The following DNM3 variants were observed in gnomAD, a reference collection of about 807,000 sequenced individuals.
DNM3 encodes dynamin 3, also known as dynamin-3.
In DNM3, 47 loss-of-function variants were observed where a neutral mutation model predicts 101.6. That is an observed-to-expected ratio of 0.46 (90% confidence interval 0.37 to 0.59). The LOEUF (loss-of-function observed/expected upper bound fraction) is 0.59. DNM3 is among the 20% of genes least tolerant of loss of function. The pLI is 0.00. For synonymous variants in DNM3, 385 were observed against 387.9 expected (o/e 0.99, Z 0.09); for missense variants, 849 against 1,085.7 (o/e 0.78, Z 3.06).
At chr1:171,987,916 C>T (rs2045376852) in intron 3 of DNM3, 111 bp downstream of exon 3, 4 of 1,028,226 alleles carry the variant, frequency 3.9e-6, no homozygotes, top group Non-Finnish European at 5.2e-6. Context: ...TCTAGGGTAT[C>T]CTTTGGATAC....
At chr1:172,077,256 C>A (rs908998696) in intron 11 of DNM3, among the ~76,000 whole-genome samples, 63 of 151,188 alleles carry the variant, frequency 4.2e-4, no homozygotes, top group Admixed American at 7.2e-4. Context: ...TTAATCTTTT[C>A]AAAAAAAACA....
chr1:172,062,809 C>T (rs1455153970), intron 10 of DNM3, among the ~76,000 whole-genome samples: 4 of 152,198 alleles, frequency 2.6e-5, no homozygotes, highest in Non-Finnish European at 4.4e-5. Context: ...TTCTTATCTT[C>T]AATCACCTTT....
intron 2 of DNM3, among the ~76,000 whole-genome samples, chr1:171,955,031 T>A (rs561497437): frequency 6.6e-6 from 1 of 152,220 alleles, no homozygotes; most frequent in Non-Finnish European, 1.5e-5. Context: ...TGGCTCAGCA[T>A]GTTAAAATAA....
At chr1:172,146,814 C>T (rs1377596696) in intron 14 of DNM3, among the ~76,000 whole-genome samples, 5 of 152,070 alleles carry the variant, frequency 3.3e-5, no homozygotes, top group Non-Finnish European at 5.9e-5. Context: ...TAAGACATGC[C>T]TTGGAAATTT....
In DNM3 at chr1:172,290,090, G is replaced by T. The variant is rs2063845398; in HGVS notation, c.1770-18638G>T. The stretch of plus-strand genomic sequence containing the variant: ...AACTTTGAATGCTGAGAAAATACTG[G>T]TGAGACTAGTCAGTCAACAAATATT... On this transcript the variant is annotated intron_variant, in intron 15 of 20. Transcript: ENST00000627582. The T allele has an allele frequency of 3.9e-6, 3 of 759,944 alleles. No homozygotes were observed. The South Asian group carries it at 1.8e-4, about 46-fold the overall frequency. The allele number at this position is 759,944 out of a possible 1,614,324, so 47.1% of individuals were successfully genotyped here.
chr1:172,385,107 A>G (rs2069113914), intron 18 of DNM3, among the ~76,000 whole-genome samples: 1 of 152,128 alleles, frequency 6.6e-6, no homozygotes, highest in Non-Finnish European at 1.5e-5. Context: ...CTTGCCCTTC[A>G]CATCCCAACA....
chr1:172,025,358 G>C (rs2048130337), intron 4 of DNM3, among the ~76,000 whole-genome samples: 1 of 152,180 alleles, frequency 6.6e-6, no homozygotes, highest in Non-Finnish European at 1.5e-5. Flanking sequence ...TGGGGGAAGG[G>C]GCGGCTGTGG....
chr1:172,129,190 A>C (rs946368949), intron 13 of DNM3, among the ~76,000 whole-genome samples: 1 of 152,190 alleles, frequency 6.6e-6, no homozygotes, highest in Admixed American at 6.6e-5. Flanking sequence ...AAATAATTTA[A>C]CCAGCTCCTT....
chr1:172,273,539 A>G (rs1306792816), intron 15 of DNM3, among the ~76,000 whole-genome samples: 2 of 152,094 alleles, frequency 1.3e-5, no homozygotes, highest in Non-Finnish European at 2.9e-5. Context: ...ATTGGATGAT[A>G]ATGAGGTTAA....
intron 4 of DNM3, among the ~76,000 whole-genome samples, chr1:172,000,667 G>A (rs1256150531): frequency 6.6e-6 from 1 of 151,994 alleles, no homozygotes; most frequent in Non-Finnish European, 1.5e-5. Context: ...AGACTTTTAT[G>A]TTTCACCCAA....
intron 14 of DNM3, among the ~76,000 whole-genome samples, chr1:172,166,708 A>AT (rs1219079647): frequency 6.7e-6 from 1 of 149,008 alleles, no homozygotes; most frequent in African/African-American, 2.5e-5. Context: ...CCTACCCAAC[A>AT]TATTTTTTTG....
chr1:172,219,377 C>CAAA (rs58783160), intron 14 of DNM3, among the ~76,000 whole-genome samples: 1,770 of 54,872 alleles, frequency 0.032, 107 homozygotes, highest in African/African-American at 0.075. Context: ...TACCCTGTCT[C>CAAA]AAAAAAAAAA....
intron 13 of DNM3, among the ~76,000 whole-genome samples, chr1:172,115,689 C>T (rs2055839842): frequency 6.6e-6 from 1 of 152,224 alleles, no homozygotes; most frequent in African/African-American, 2.4e-5. Flanking sequence ...TTCCCCTCCT[C>T]CATCCTGTTA....
intron 1 of DNM3, among the ~76,000 whole-genome samples, chr1:171,855,737 A>G (rs1359099569): frequency 6.6e-6 from 1 of 151,604 alleles, no homozygotes; most frequent in Non-Finnish European, 1.5e-5. Context: ...TTTTCTTGTA[A>G]ATTTGTTTAA....
chr1:172,397,342 C>T (rs1039857431), intron 20 of DNM3: 3 of 152,528 alleles, frequency 2.0e-5, no homozygotes, highest in East Asian at 1.9e-4. Flanking sequence ...AGTAATTTCC[C>T]GCCAAATACC....
intron 7 of DNM3, among the ~76,000 whole-genome samples, chr1:172,041,612 T>C (rs1257734389): frequency 6.6e-6 from 1 of 151,998 alleles, no homozygotes; most frequent in Non-Finnish European, 1.5e-5. Flanking sequence ...GCTGTGACAT[T>C]GGGGGAGTAA....
rs1452010904 is a variant in DNM3, at chr1:172,316,523, A to G, written c.1882-6806A>G. On this transcript the variant is annotated intron_variant, in intron 16 of 20. Transcript: ENST00000627582. Reference sequence around the variant, plus strand: ...CACGTGCAGAGACACACATAGGCTCAAAATAAAAGGATTGAGGAAGATCTA... The same window carrying G: ...CACGTGCAGAGACACACATAGGCTCGAAATAAAAGGATTGAGGAAGATCTA... 2.6e-5 allele frequency among the ~76,000 whole-genome samples: 4 copies of G among 152,286 alleles called. No individual in the cohort carries two copies. In the East Asian group the frequency reaches 7.7e-4, roughly 29 times the overall value.
At chr1:172,159,467 G>C (rs1475231) in intron 14 of DNM3, among the ~76,000 whole-genome samples, 45,930 of 151,854 alleles carry the variant, frequency 0.3, 8,223 homozygotes, top group African/African-American at 0.49. Flanking sequence ...CAGAAATTTA[G>C]CATGTGTATA....
At chr1:172,039,552 A>G (rs1283018186) in intron 7 of DNM3, among the ~76,000 whole-genome samples, 2 of 151,852 alleles carry the variant, frequency 1.3e-5, no homozygotes, top group African/African-American at 4.8e-5. Context: ...TTCAAGTTAC[A>G]GAGAAAGCTA....
Sources: gnomAD v4.1 joint callset for allele counts (sites outside exome capture counted in the v4.1 genomes callset) on GRCh38, gnomAD v4.1.1 for gene constraint, MANE v1.5 for transcripts, NCBI Gene and HGNC (gene_info 2026-07-23, HGNC 2026-07-21) for gene names.